Variants in BLTP3B observed in about 807,000 individuals in gnomAD.
BLTP3B encodes the protein UHRF1 (ICBP90) binding protein 1-like.
chr12:100,052,797 T>G, the BLTP3B span, among the ~76,000 whole-genome samples: 5 of 147,714 alleles, frequency 3.4e-5, no homozygotes, highest in Non-Finnish European at 6.0e-5. Flanking sequence ...TCTGTTTTTT[T>G]TTTTTTTTTT....
the BLTP3B span, among the ~76,000 whole-genome samples, chr12:100,132,636 T>A: frequency 4.9e-4 from 74 of 152,196 alleles, no homozygotes; most frequent in South Asian, 8.3e-4. Context: ...TAAATAAACC[T>A]CTTTTCTTTA....
the BLTP3B span, chr12:100,060,192 GAATGAT>G: frequency 1.6e-6 from 1 of 625,758 alleles, no homozygotes; most frequent in Non-Finnish European, 2.5e-6. Flanking sequence ...TGATACATTG[GAATGAT>G]AACAAACACA....
chr12:100,108,994 T>A, the BLTP3B span, among the ~76,000 whole-genome samples: 2 of 152,102 alleles, frequency 1.3e-5, no homozygotes, highest in African/African-American at 2.4e-5. Context: ...AATACTGATA[T>A]GGTTTGGTTC....
At chr12:100,099,900 C>T in the BLTP3B span, among the ~76,000 whole-genome samples, 1 of 150,458 alleles carries the variant, frequency 6.6e-6, no homozygotes, top group Non-Finnish European at 1.5e-5. Context: ...TGCAGTCCAG[C>T]CTGGGTGACA....
At chr12:100,048,171 A>C in the BLTP3B span, 11 of 1,601,010 alleles carry the variant, frequency 6.9e-6, no homozygotes, top group Non-Finnish European at 9.4e-6. Context: ...AGGATTTGGA[A>C]TGAATTACAG....
chr12:100,103,437 G>A, the BLTP3B span, among the ~76,000 whole-genome samples: 1 of 151,604 alleles, frequency 6.6e-6, no homozygotes, highest in African/African-American at 2.4e-5. Context: ...TTCATATATA[G>A]CATTTATTAT....
At chr12:100,142,668 C>G in the BLTP3B span, 29 of 1,598,194 alleles carry the variant, frequency 1.8e-5, no homozygotes, top group Non-Finnish European at 2.4e-5. Flanking sequence ...CGGTCTCGTC[C>G]TGTTGCTCAC....
chr12:100,141,892 A>G, the BLTP3B span, among the ~76,000 whole-genome samples: 1 of 152,078 alleles, frequency 6.6e-6, no homozygotes, highest in African/African-American at 2.4e-5. Flanking sequence ...AACTCCCTGA[A>G]TTTTAGAGTT....
At chr12:100,133,761 T>C in the BLTP3B span, among the ~76,000 whole-genome samples, 1 of 152,164 alleles carries the variant, frequency 6.6e-6, no homozygotes, top group Admixed American at 6.5e-5. Context: ...CCGGTTTTAG[T>C]TGGAAATTAA....
At chr12:100,132,401 C>T in the BLTP3B span, among the ~76,000 whole-genome samples, 1 of 152,108 alleles carries the variant, frequency 6.6e-6, no homozygotes, top group African/African-American at 2.4e-5. Flanking sequence ...GGGGCAGATT[C>T]TTCATAAATG....
chr12:100,065,167 CTTACT>C, the BLTP3B span, among the ~76,000 whole-genome samples: 13 of 152,068 alleles, frequency 8.5e-5, no homozygotes, highest in African/African-American at 3.1e-4. Flanking sequence ...TTATGCCTGT[CTTACT>C]TTAATCTCTT....
the BLTP3B span, chr12:100,128,725 G>C: frequency 7.8e-7 from 1 of 1,287,334 alleles, no homozygotes; most frequent in South Asian, 1.2e-5. Flanking sequence ...AGCAGGGAAC[G>C]CTGCAGGGAA....
chr12:100,039,549 T>C, the BLTP3B span: 1 of 1,511,514 alleles, frequency 6.6e-7, no homozygotes, highest in Non-Finnish European at 9.0e-7. Context: ...TCTTAATACC[T>C]AGTTATTTAA....
At chr12:100,110,729 A>T in the BLTP3B span, among the ~76,000 whole-genome samples, 3 of 152,090 alleles carry the variant, frequency 2.0e-5, no homozygotes, top group African/African-American at 7.2e-5. Flanking sequence ...GGGGGTAGGG[A>T]AAGAAAGTAT....
chr12:100,068,684 G>A, the BLTP3B span, among the ~76,000 whole-genome samples: 6 of 152,124 alleles, frequency 3.9e-5, no homozygotes, highest in Non-Finnish European at 8.8e-5. Context: ...ATTGATGGCT[G>A]AGACAATGAG....
chr12:100,052,200 G>A, the BLTP3B span, among the ~76,000 whole-genome samples: 7 of 151,744 alleles, frequency 4.6e-5, no homozygotes, highest in East Asian at 1.9e-4. Context: ...ACGCCACCAC[G>A]CCTGGCTAAT....
At chr12:100,049,764 T>C in the BLTP3B span, among the ~76,000 whole-genome samples, 19 of 152,176 alleles carry the variant, frequency 1.2e-4, 1 homozygote, top group Non-Finnish European at 2.6e-4. Context: ...AAGAGTGAAC[T>C]TGCTGAACAA....
the BLTP3B span, among the ~76,000 whole-genome samples, chr12:100,129,251 AAAAATAAATTGG>A: frequency 2.0e-5 from 3 of 152,156 alleles, no homozygotes; most frequent in Non-Finnish European, 2.9e-5. Context: ...CTATATACTC[AAAAATAAATTGG>A]AAAACTATAG....
At chr12:100,139,400 A>G in the BLTP3B span, among the ~76,000 whole-genome samples, 2 of 152,168 alleles carry the variant, frequency 1.3e-5, no homozygotes, top group Non-Finnish European at 2.9e-5. Context: ...TAAAAATGAG[A>G]GCTCTTTCTC....
Sources: gnomAD v4.1 joint callset for allele counts (sites outside exome capture counted in the v4.1 genomes callset) on GRCh38, gnomAD v4.1.1 for gene constraint, MANE v1.5 for transcripts, NCBI Gene and HGNC (gene_info 2026-07-23, HGNC 2026-07-21) for gene names.